ETFA: variants seen among roughly 807,000 people sequenced by gnomAD.
ETFA encodes electron transfer flavoprotein subunit alpha, mitochondrial.
Under a neutral mutation model 46.2 loss-of-function variants are expected in ETFA, and 22 were observed. That is an observed-to-expected ratio of 0.48 (90% CI 0.34 to 0.68). ETFA has a LOEUF of 0.68. ETFA is among the 30% of genes least tolerant of loss of function. ETFA has a pLI of 0.01. For missense variants in ETFA, 345 were observed against 401.1 expected (o/e 0.86, Z 1.19); for synonymous variants, 131 against 139.9 (o/e 0.94, Z 0.45).
chr15:76,310,068 C>CTAAAAAAAAA (rs2039977519), intron 1 of ETFA: 1 of 71,920 alleles, frequency 1.4e-5, no homozygotes, highest in Non-Finnish European at 2.8e-5. Flanking sequence ...CCCGTCTCTA[C>CTAAAAAAAAA]AAAAAAAAAA....
chr15:76,225,920 C>T lies in ETFA; in HGVS notation c.892G>A (p.Ala298Thr), dbSNP rs2038999331. ...AGMKDSKTIV[A>T]INKDPEAPIF... is the part of the protein sequence containing the mutation. ...GGAGCTTCTGGGTCTTTATTAATTG[C>T]CACAATTGTCTGTGAAATAAAAACA... Residue 298 changes from alanine to threonine, a missense_variant, in exon 11 of 12, where the codon GCA (alanine) becomes ACA (threonine). Ala to Thr is a moderately conservative substitution (Grantham distance 58, BLOSUM62 0). Coordinates refer to ENST00000557943, the MANE Select transcript of ETFA (RefSeq NM_000126.4). 2 of 1,601,026 alleles carry T rather than the reference C, an allele frequency of 1.2e-6. No homozygotes were observed. The highest frequency in any genetic ancestry group is 1.7e-6 in the Non-Finnish European group (2 of 1,168,318).
intron 9 of ETFA, among the ~76,000 whole-genome samples, chr15:76,271,938 C>T (rs1246061307): frequency 6.6e-6 from 1 of 151,472 alleles, no homozygotes; most frequent in East Asian, 1.9e-4. Flanking sequence ...CACACACACA[C>T]ACCCTGAGTT....
chr15:76,260,992 C>T (rs62030244), intron 9 of ETFA: 244,696 of 1,390,166 alleles, frequency 0.18, 1,580 homozygotes, highest in Middle Eastern at 0.26. Context: ...CTAGTGTTGC[C>T]GCTGGAAAGC....
intron 9 of ETFA, among the ~76,000 whole-genome samples, chr15:76,256,465 C>A (rs2141487832): frequency 6.6e-6 from 1 of 152,190 alleles, no homozygotes; most frequent in South Asian, 2.1e-4. Flanking sequence ...TCATGAAACA[C>A]AATTTTTACT....
At chr15:76,303,547 A>C (rs1370927080) in intron 1 of ETFA, among the ~76,000 whole-genome samples, 1 of 152,194 alleles carries the variant, frequency 6.6e-6, no homozygotes, top group African/African-American at 2.4e-5. Flanking sequence ...GAATGGTAAA[A>C]AAAAATCTGC....
chr15:76,284,957 A>G (rs2039692736), intron 7 of ETFA: 1 of 396,970 alleles, frequency 2.5e-6, no homozygotes, highest in South Asian at 1.7e-5. Context: ...AACGAAAAAC[A>G]AGTCAGATAT....
chr15:76,282,911 C>G (rs2039669333), intron 8 of ETFA, among the ~76,000 whole-genome samples: 1 of 152,044 alleles, frequency 6.6e-6, no homozygotes, highest in African/African-American at 2.4e-5. Flanking sequence ...CTAACTCAGC[C>G]TCCCAAGTAA....
chr15:76,242,791 ATTGT>A (rs2039204977), intron 9 of ETFA, among the ~76,000 whole-genome samples: 1 of 152,232 alleles, frequency 6.6e-6, no homozygotes, highest in Non-Finnish European at 1.5e-5. Flanking sequence ...AAGGACAAAT[ATTGT>A]TTGATTCAAC....
At chr15:76,260,140 A>G in intron 9 of ETFA, 2 of 1,470,228 alleles carry the variant, frequency 1.4e-6, no homozygotes, top group Non-Finnish European at 9.5e-7. Context: ...TTTGCCCTAT[A>G]TCCAGCCAGG....
intron 9 of ETFA, 59 bp from the exon 10 acceptor site, chr15:76,231,457 G>C (rs2039065610): frequency 9.0e-7 from 1 of 1,111,060 alleles, no homozygotes; most frequent in Non-Finnish European, 1.3e-6. Flanking sequence ...ACTTTCCAAA[G>C]TGTTTGCTGT....
intron 8 of ETFA, 104 bp downstream of exon 8, chr15:76,283,653 A>G: frequency 1.2e-6 from 1 of 863,614 alleles, no homozygotes; most frequent in Non-Finnish European, 1.9e-6. Flanking sequence ...CCGGAAAAGT[A>G]AAATAATTTG....
At chr15:76,226,113 C>T (rs975833884) in intron 10 of ETFA, 184 bp from the exon 11 acceptor site, 3 of 585,062 alleles carry the variant, frequency 5.1e-6, no homozygotes, top group Non-Finnish European at 6.0e-6. Flanking sequence ...AAAATTCTCT[C>T]TTACCCACAT....
chr15:76,298,151 T>G (rs2039845122), intron 1 of ETFA, among the ~76,000 whole-genome samples: 1 of 152,008 alleles, frequency 6.6e-6, no homozygotes, highest in Admixed American at 6.6e-5. Flanking sequence ...CAAGCAATTC[T>G]CCTGCCTCAG....
intron 11 of ETFA, among the ~76,000 whole-genome samples, chr15:76,222,412 G>C (rs944835564): frequency 9.2e-5 from 14 of 152,006 alleles, no homozygotes; most frequent in African/African-American, 3.4e-4. Context: ...GATCGCCCCA[G>C]TAAGGAATAT....
At chr15:76,256,262 G>GAAAAA (rs59670988) in intron 9 of ETFA, among the ~76,000 whole-genome samples, 2 of 95,698 alleles carry the variant, frequency 2.1e-5, no homozygotes, top group Admixed American at 1.2e-4. Flanking sequence ...CCGTCTCAAG[G>GAAAAA]AAAAAAAAAA....
chr15:76,282,871 G>C (rs942044483), intron 8 of ETFA, among the ~76,000 whole-genome samples: 28 of 151,934 alleles, frequency 1.8e-4, no homozygotes, highest in Admixed American at 5.2e-4. Flanking sequence ...GCCTAGGCTG[G>C]TCTCAAATTC....
intron 9 of ETFA, chr15:76,261,836 T>C (rs2039417479): frequency 5.8e-6 from 1 of 171,460 alleles, no homozygotes; most frequent in Non-Finnish European, 1.2e-5. Context: ...GAACAATGCA[T>C]AATATTATAA....
Position 76,311,412 on chromosome 15 carries a change from C to G in ETFA, c.-24G>C. 1 of 1,553,958 alleles carries G rather than the reference C, an allele frequency of 6.4e-7. No homozygotes were observed. The highest frequency in any genetic ancestry group is 8.7e-7 in the Non-Finnish European group (1 of 1,150,452). On this transcript the variant is annotated 5_prime_UTR_variant, in exon 1 of 12. Transcript: ENST00000557943. The stretch of plus-strand genomic sequence containing the variant: ...ATGGTCTCCGCTTCCGCCGCAACCT[C>G]GGCCTTACAGCAGCCCCGTGCCCGG...
intron 8 of ETFA, among the ~76,000 whole-genome samples, chr15:76,277,922 G>T (rs1190815738): frequency 6.6e-6 from 1 of 152,188 alleles, no homozygotes; most frequent in Non-Finnish European, 1.5e-5. Flanking sequence ...GGGAAGTTGT[G>T]ATTATCTGTA....
Sources: allele counts gnomAD v4.1 joint callset (sites outside exome capture counted in the v4.1 genomes callset), GRCh38; gene constraint gnomAD v4.1.1; transcripts MANE v1.5; gene names NCBI Gene and HGNC (gene_info 2026-07-23, HGNC 2026-07-21).